The following FAM135B variants were observed in gnomAD, a reference collection of about 807,000 sequenced individuals.
FAM135B encodes family with sequence similarity 135 member B.
FAM135B carries 43 observed loss-of-function variants against 127.7 expected under a neutral mutation model. The ratio of observed to expected loss-of-function variants is 0.34; its 90% CI spans 0.26 to 0.43. The LOEUF (loss-of-function observed/expected upper bound fraction) is 0.43, where lower values mean the gene tolerates loss of function less well. Ranked by LOEUF, FAM135B falls within the 20% of genes least tolerant of loss-of-function variation. The probability of loss-of-function intolerance (pLI) is 1.00; values close to 1 mark genes in which losing one functional copy is unlikely to be tolerated. For synonymous variants in FAM135B, 670 were observed against 665.1 expected (o/e 1.01, Z -0.11); for missense variants, 1,558 against 1,725.6 (o/e 0.90, Z 1.72).
intron 1 of FAM135B, among the ~76,000 whole-genome samples, chr8:138,495,361 T>C (rs2131704077): frequency 6.6e-6 from 1 of 152,110 alleles, no homozygotes; most frequent in East Asian, 1.9e-4. Flanking sequence ...TCCAATCTGG[T>C]CCACTTTCCT....
At chr8:138,217,576 G>A (rs1010101930) in intron 7 of FAM135B, among the ~76,000 whole-genome samples, 3 of 151,518 alleles carry the variant, frequency 2.0e-5, no homozygotes, top group South Asian at 2.1e-4. Context: ...GACTACAGGC[G>A]CCCACCGCCA....
chr8:138,388,039 C>A (rs1045770795), intron 1 of FAM135B, among the ~76,000 whole-genome samples: 4 of 152,112 alleles, frequency 2.6e-5, no homozygotes, highest in African/African-American at 7.2e-5. Context: ...GAGGGGAATG[C>A]AAATTAAAAC....
intron 1 of FAM135B, among the ~76,000 whole-genome samples, chr8:138,395,980 C>A (rs975983725): frequency 2.0e-5 from 3 of 152,192 alleles, no homozygotes; most frequent in Admixed American, 2.0e-4. Context: ...AAACAGGAGT[C>A]TGGGCATCAG....
rs1818229324 is a variant in FAM135B at position 138,152,201 on chromosome 8, ATCC to A, written c.2271_2273del (p.Glu757del). 6 of 1,614,008 alleles carry A rather than the reference ATCC, an allele frequency of 3.7e-6. No individual in the cohort carries two copies. Among genetic ancestry groups the A allele is most frequent in the Middle Eastern group, 1.6e-4 (1 of 6,082 alleles). On this transcript the variant is annotated inframe_deletion, in exon 13 of 20. Transcript: ENST00000395297. ...ACTTAGTGAGTGCCACCTCCCGCTC[ATCC>A]TCCTCAAAAGGTAAAGAGCTAATGG...
intron 3 of FAM135B, among the ~76,000 whole-genome samples, chr8:138,306,451 A>G (rs566537439): frequency 2.0e-5 from 3 of 151,974 alleles, no homozygotes; most frequent in Admixed American, 2.0e-4. Flanking sequence ...AAAAGAAAAA[A>G]AAAAAAGAAA....
At chr8:138,399,947 C>G (rs935197248) in intron 1 of FAM135B, among the ~76,000 whole-genome samples, 3 of 152,184 alleles carry the variant, frequency 2.0e-5, no homozygotes, top group African/African-American at 7.2e-5. Context: ...GAAGAGCATA[C>G]CCTTGGCAAG....
At chr8:138,482,843 C>T (rs964406314) in intron 1 of FAM135B, among the ~76,000 whole-genome samples, 19 of 152,142 alleles carry the variant, frequency 1.2e-4, no homozygotes, top group African/African-American at 4.3e-4. Context: ...TACATTTTCA[C>T]CATGGAGTAG....
rs961168989 is a variant in FAM135B at position 138,197,739 on chromosome 8, C to T, written c.670-70G>A. 2.6e-6 allele frequency: 4 copies of T among 1,514,112 alleles called. No individual in the cohort carries two copies. The South Asian group carries it at 3.6e-5, about 14-fold the overall frequency. The allele number at this position is 1,514,112 out of a possible 1,614,324, so 93.8% of individuals were successfully genotyped here. A position where few individuals can be genotyped will look rare whatever the true frequency, so the allele number is the denominator to read the frequency against. On this transcript the variant is annotated intron_variant, in intron 7 of 19. Coordinates refer to ENST00000395297, the MANE Select transcript of FAM135B (RefSeq NM_015912.4). ...GCCCAGGCAGCACAGGGCTGTGATG[C>T]TCCATCCACCCGCACCAACATTCAC...
intron 3 of FAM135B, among the ~76,000 whole-genome samples, chr8:138,273,718 C>A (rs1387011209): frequency 1.3e-5 from 2 of 152,190 alleles, no homozygotes; most frequent in Non-Finnish European, 2.9e-5. Context: ...CTCATGCCCA[C>A]CTCGCCTGTT....
chr8:138,465,680 C>T (rs1170641440), intron 1 of FAM135B, among the ~76,000 whole-genome samples: 1 of 152,218 alleles, frequency 6.6e-6, no homozygotes, highest in East Asian at 1.9e-4. Flanking sequence ...CCTCTCCCCT[C>T]TCAGCTGAGT....
At chr8:138,190,807 T>C (rs1326791180) in intron 9 of FAM135B, among the ~76,000 whole-genome samples, 2 of 152,202 alleles carry the variant, frequency 1.3e-5, no homozygotes, top group African/African-American at 4.8e-5. Flanking sequence ...ATTCCAGGTC[T>C]TTAGATAACC....
intron 15 of FAM135B, among the ~76,000 whole-genome samples, chr8:138,143,874 G>T (rs1341923647): frequency 6.6e-6 from 1 of 152,210 alleles, no homozygotes; most frequent in South Asian, 2.1e-4. Flanking sequence ...ATCCTGTGAA[G>T]AAAGGAGTAC....
At chr8:138,315,784 C>T (rs118071762) in intron 2 of FAM135B, among the ~76,000 whole-genome samples, 21 of 151,972 alleles carry the variant, frequency 1.4e-4, no homozygotes, top group African/African-American at 4.6e-4. Context: ...ATCTCACTTA[C>T]ATGTAGAACA....
intron 9 of FAM135B, among the ~76,000 whole-genome samples, chr8:138,187,627 C>G (rs1815702172): frequency 6.6e-6 from 1 of 152,224 alleles, no homozygotes; most frequent in African/African-American, 2.4e-5. Flanking sequence ...CATACACATA[C>G]ATACATATCT....
At chr8:138,421,960 G>A (rs1834535222) in intron 1 of FAM135B, among the ~76,000 whole-genome samples, 1 of 151,998 alleles carries the variant, frequency 6.6e-6, no homozygotes, top group Admixed American at 6.6e-5. Flanking sequence ...AACAGAACAG[G>A]TTAGAGAACT....
chr8:138,148,748 G>A (rs2130696721), intron 13 of FAM135B, 62 bp from the exon 14 acceptor site: 1 of 1,340,018 alleles, frequency 7.5e-7, no homozygotes, highest in Non-Finnish European at 1.0e-6. Context: ...CAGGAAATGA[G>A]CTGGGCTGGT....
intron 1 of FAM135B, among the ~76,000 whole-genome samples, chr8:138,371,861 T>G (rs1271364868): frequency 1.3e-5 from 2 of 152,214 alleles, no homozygotes; most frequent in Admixed American, 1.3e-4. Context: ...CTGCATTTGG[T>G]GTGCCTCTGA....
chr8:138,291,487 C>T (rs1243569520), intron 3 of FAM135B, among the ~76,000 whole-genome samples: 1 of 151,860 alleles, frequency 6.6e-6, no homozygotes, highest in African/African-American at 2.4e-5. Context: ...TAAGGCCATC[C>T]AAGAAAAAAA....
In FAM135B at chr8:138,137,238, G is replaced by A. The variant is rs746954728; in HGVS notation, c.3924C>T (p.Val1308=). 39 of 1,608,552 alleles carry A rather than the reference G, an allele frequency of 2.4e-5. No homozygotes were observed. Among genetic ancestry groups the A allele is most frequent in the East Asian group, 2.2e-5 (1 of 44,860 alleles). The part of the protein sequence containing the change: ...QKTGLQYFKN[V]VLVASPQDRY... ...GGTCTTGGGGAGAAGCAACCAGCACGACGTTTTTAAAATACTGCAGCCCTG... is the reference window on the plus strand; with the variant it reads ...GGTCTTGGGGAGAAGCAACCAGCACAACGTTTTTAAAATACTGCAGCCCTG... Residue 1308 remains valine (V), a synonymous_variant, in exon 19 of 20, where the codon GTC becomes GTT. Coordinates refer to ENST00000395297, the MANE Select transcript of FAM135B (RefSeq NM_015912.4).
Sources: allele counts gnomAD v4.1 joint callset (sites outside exome capture counted in the v4.1 genomes callset), GRCh38; gene constraint gnomAD v4.1.1; transcripts MANE v1.5; gene names NCBI Gene and HGNC (gene_info 2026-07-23, HGNC 2026-07-21).